The following NOD1 variants were observed in gnomAD, a reference collection of about 807,000 sequenced individuals.
NOD1 encodes the protein nucleotide-binding oligomerization domain-containing protein 1.
A neutral mutation model predicts 81.2 loss-of-function variants in NOD1; 70 were observed. The observed-to-expected ratio is 0.86, with a 90% CI of 0.71 to 1.05. The LOEUF (loss-of-function observed/expected upper bound fraction) is 1.05, where lower values mean the gene tolerates loss of function less well. NOD1 is among the 50% of genes least tolerant of loss of function. NOD1 has a pLI of 0.00. For missense variants in NOD1, 1,233 were observed against 1,228.0 expected (o/e 1.00, Z -0.06); for synonymous variants, 508 against 526.9 (o/e 0.96, Z 0.49).
At chr7:30,429,852 CTA>C (rs894669768) in intron 12 of NOD1, among the ~76,000 whole-genome samples, 4 of 152,046 alleles carry the variant, frequency 2.6e-5, no homozygotes, top group Non-Finnish European at 5.9e-5. Flanking sequence ...CAACCTGTCT[CTA>C]TTAAAAATAC....
At chr7:30,441,105 A>G (rs1227987364) in intron 9 of NOD1, among the ~76,000 whole-genome samples, 1 of 44,668 alleles carries the variant, frequency 2.2e-5, no homozygotes, top group African/African-American at 9.0e-5. Flanking sequence ...TCCTGAAGGA[A>G]GCGGTAAACA....
chr7:30,460,677 T>C, intron 1 of NOD1: 1 of 985,376 alleles, frequency 1.0e-6, no homozygotes, highest in Non-Finnish European at 1.2e-6. Context: ...AGCCATCTCC[T>C]GAGGCAAAGG....
Position 30,452,899 on chromosome 7 carries a change from C to A in NOD1, c.518G>T (p.Ser173Ile), listed in dbSNP as rs1366129133. 1 of 1,613,938 alleles carries A rather than the reference C, an allele frequency of 6.2e-7. No homozygotes were observed. Among genetic ancestry groups the A allele is most frequent in the African/African-American group, 1.3e-5 (1 of 74,908 alleles). ...IMELVGFSNESLGSLNSLACL... is the reference protein window; with the variant it reads ...IMELVGFSNEILGSLNSLACL... The stretch of plus-strand genomic sequence containing the variant: ...GGCCAGGCTGTTCAGGCTGCCCAGG[C>A]TCTCATTGCTGAAGCCAACCAGCTC... The change falls in exon 6 of 14, where the codon AGC becomes ATC. Residue 173 changes from serine to isoleucine, a missense_variant. Physicochemically the swap from Ser to Ile is moderately radical, Grantham distance 142. Coordinates refer to ENST00000222823, the MANE Select transcript of NOD1 (RefSeq NM_006092.4).
At position 30,455,227 on chromosome 7, in the gene NOD1, C is replaced by A. The variant is rs1206497788; in HGVS notation, c.286G>T (p.Ala96Ser). 6.2e-7 allele frequency: 1 copy of A among 1,614,044 alleles called. No homozygotes were observed. Among genetic ancestry groups the A allele is most frequent in the East Asian group, 2.2e-5 (1 of 44,892 alleles). ...AGCCAAGGCCTGAGGTCCACGTAGG[C>A]ATCTGCGAGTTGCTGGAGCAAGTAG... ...FLYLLQQLAD[A>S]YVDLRPWLLE... Residue 96 changes from alanine (A) to serine (S), a missense_variant, in exon 5 of 14, where the codon GCC (alanine) becomes TCC (serine). Transcript: ENST00000222823.
Position 30,476,839 on chromosome 7 carries a change from CAGG to C in NOD1, c.-352+1764_-352+1766del, listed in dbSNP as rs1562727078. 4.6e-5 allele frequency among the ~76,000 whole-genome samples: 7 copies of C among 152,282 alleles called. 1 individual carries two copies. The South Asian group carries it at 1.5e-3, about 32-fold the overall frequency. ...TAAGGCCCTGAGCGGGGCAGCAGGG[CAGG>C]AGAAGGAATGGAGCGTTGAAGGGAA... On this transcript the variant is annotated intron_variant, in intron 1 of 13. Coordinates refer to ENST00000222823, the MANE Select transcript of NOD1 (RefSeq NM_006092.4).
rs770394928 is a variant in NOD1, at chr7:30,455,269, C to G, written c.244G>C (p.Val82Leu). 4 of 1,614,146 alleles carry G rather than the reference C, an allele frequency of 2.5e-6. No homozygotes were observed. The East Asian group carries it at 8.9e-5, about 36-fold the overall frequency. ...LDLVQSKGEEVSEFFLYLLQQ... is the reference protein window; with the variant it reads ...LDLVQSKGEELSEFFLYLLQQ... Reference sequence around the variant, plus strand: ...AGCAAGTAGAGGAAGAACTCGGACACCTCCTCGCCCTTGCTCTGTACCAGG... The same window carrying G: ...AGCAAGTAGAGGAAGAACTCGGACAGCTCCTCGCCCTTGCTCTGTACCAGG... The change falls in exon 5 of 14, where the codon GTG becomes CTG. Residue 82 changes from valine (V) to leucine (L), a missense_variant. By Grantham distance (32) the Val-to-Leu change is conservative (BLOSUM62 1). Coordinates refer to ENST00000222823, the MANE Select transcript of NOD1 (RefSeq NM_006092.4).
intron 7 of NOD1, chr7:30,447,892 C>G (rs1353887736): frequency 5.6e-6 from 1 of 180,160 alleles, no homozygotes; most frequent in Non-Finnish European, 1.2e-5. Context: ...ACCCCTGCGG[C>G]CACGTCATGC....
At chr7:30,463,757 G>A (rs1246457829) in intron 1 of NOD1, 1 of 151,370 alleles carries the variant, frequency 6.6e-6, no homozygotes, top group Non-Finnish European at 1.5e-5. Context: ...ACCTTTCTAT[G>A]TTTTAATAAC....
chr7:30,458,451 G>A (rs1321792020), intron 3 of NOD1, among the ~76,000 whole-genome samples: 1 of 152,136 alleles, frequency 6.6e-6, no homozygotes, highest in Non-Finnish European at 1.5e-5. Context: ...TGTTTCACAA[G>A]CCACATCTGT....
intron 5 of NOD1, among the ~76,000 whole-genome samples, chr7:30,453,927 G>C (rs1483232975): frequency 1.3e-5 from 2 of 152,246 alleles, no homozygotes; most frequent in African/African-American, 4.8e-5. Context: ...ACTGCTTGTA[G>C]AGTGAATTAC....
intron 13 of NOD1, chr7:30,428,655 C>T (rs1270727685): frequency 6.6e-6 from 1 of 151,906 alleles, no homozygotes; most frequent in African/African-American, 2.4e-5. Context: ...CTGTGTTGGC[C>T]AAGGAGCTGT....
Position 30,452,899 on chromosome 7 carries a change from C to T in NOD1, c.518G>A (p.Ser173Asn). The T allele has an allele frequency of 6.2e-7, 1 of 1,614,056 alleles. No homozygotes were observed. The change falls in exon 6 of 14, where the codon AGC becomes AAC. Residue 173 changes from serine (S) to asparagine (N), a missense_variant. Transcript: ENST00000222823. ...GGCCAGGCTGTTCAGGCTGCCCAGG[C>T]TCTCATTGCTGAAGCCAACCAGCTC... is the stretch of plus-strand genomic sequence containing the variant. Reference protein sequence around the residue: ...IMELVGFSNESLGSLNSLACL... With the variant: ...IMELVGFSNENLGSLNSLACL...
chr7:30,433,176 C>T lies in NOD1; in HGVS notation c.2625G>A (p.Leu875=). ...QQNTSLEILW[L]TQNELNDEVA... is the part of the protein sequence containing the mutation. ...CTTCATCGTTGAGTTCATTTTGGGT[C>T]AGCCTAAGGAAAAAAAAGGAAGTAT... Residue 875 remains leucine, a synonymous_variant, in exon 12 of 14, where the codon CTG becomes CTA. Transcript: ENST00000222823. 1 of 1,613,208 alleles carries T rather than the reference C, an allele frequency of 6.2e-7. No homozygotes were observed. The highest frequency in any genetic ancestry group is 1.3e-5 in the African/African-American group (1 of 74,960).
chr7:30,471,726 T>G, intron 1 of NOD1, among the ~76,000 whole-genome samples: 1 of 152,218 alleles, frequency 6.6e-6, no homozygotes, highest in Non-Finnish European at 1.5e-5. Context: ...CTACAGATTC[T>G]GACCCCCTGA....
chr7:30,433,677 G>T (rs1165136538), intron 11 of NOD1, among the ~76,000 whole-genome samples: 2 of 152,210 alleles, frequency 1.3e-5, no homozygotes, highest in Non-Finnish European at 2.9e-5. Flanking sequence ...AGTTCAGGAA[G>T]TCTCTCAATG....
chr7:30,474,476 G>A (rs567893492), intron 1 of NOD1, among the ~76,000 whole-genome samples: 6 of 152,328 alleles, frequency 3.9e-5, no homozygotes, highest in African/African-American at 9.6e-5. Context: ...AGACAGCGGC[G>A]AGTAGGGGCA....
chr7:30,463,054 T>C (rs1018449630), intron 1 of NOD1, among the ~76,000 whole-genome samples: 3 of 151,546 alleles, frequency 2.0e-5, no homozygotes, highest in Non-Finnish European at 4.4e-5. Flanking sequence ...GGGGGAGAAA[T>C]TGACTGCAAA....
At position 30,456,760 on chromosome 7, in the gene NOD1, A is replaced by G. The variant is rs1786420081; in HGVS notation, c.162T>C (p.Asp54=). The part of the protein sequence containing the change: ...LLKNDYFSAE[D]AEIVCACPTQ... Reference sequence around the variant, plus strand: ...TGGGGCAGGCACACACAATCTCCGCATCTTCGGCCGAGAAGTAGTCATTCT... The same window carrying G: ...TGGGGCAGGCACACACAATCTCCGCGTCTTCGGCCGAGAAGTAGTCATTCT... The change falls in exon 4 of 14, where the codon GAT becomes GAC. Residue 54 remains aspartate (D), a synonymous_variant. Transcript: ENST00000222823. The G allele has an allele frequency of 1.2e-6, 2 of 1,614,128 alleles. No individual in the cohort carries two copies. The highest frequency in any genetic ancestry group is 1.7e-6 in the Non-Finnish European group (2 of 1,180,026).
At chr7:30,427,427 T>A (rs548399543) in intron 13 of NOD1, among the ~76,000 whole-genome samples, 1 of 152,354 alleles carries the variant, frequency 6.6e-6, no homozygotes, top group Admixed American at 6.5e-5. Context: ...AGCTGCTCCC[T>A]GAACGTGGCT....
Sources: allele counts gnomAD v4.1 joint callset (sites outside exome capture counted in the v4.1 genomes callset), GRCh38; gene constraint gnomAD v4.1.1; transcripts MANE v1.5; gene names NCBI Gene and HGNC (gene_info 2026-07-23, HGNC 2026-07-21).